PID1: variants seen among roughly 807,000 people sequenced by gnomAD.
PID1 encodes the protein phosphotyrosine interaction domain containing 1.
PID1 carries 10 observed loss-of-function variants against 19.1 expected under a neutral mutation model. That is an observed-to-expected ratio of 0.52 (90% CI 0.32 to 0.89). The LOEUF (loss-of-function observed/expected upper bound fraction) is 0.89, where lower values mean the gene tolerates loss of function less well. Among genes scored for constraint, PID1 ranks in the 40% least tolerant of loss-of-function variants. The probability of loss-of-function intolerance (pLI) is 0.03; values close to 1 mark genes in which losing one functional copy is unlikely to be tolerated. For missense variants in PID1, 248 were observed against 285.3 expected (o/e 0.87, Z 0.94); for synonymous variants, 130 against 116.0 (o/e 1.12, Z -0.78).
intron 1 of PID1, among the ~76,000 whole-genome samples, chr2:229,187,745 A>G (rs1393237170): frequency 5.9e-5 from 9 of 152,170 alleles, no homozygotes; most frequent in African/African-American, 2.2e-4. Context: ...GCTAAAAACA[A>G]AACAAAAATC....
intron 1 of PID1, among the ~76,000 whole-genome samples, chr2:229,158,158 C>T (rs569977467): frequency 6.6e-6 from 1 of 152,284 alleles, no homozygotes; most frequent in South Asian, 2.1e-4. Flanking sequence ...TTACTTAGAA[C>T]AGCATTAAAT....
chr2:229,224,947 T>C (rs1420300232), intron 1 of PID1, among the ~76,000 whole-genome samples: 1 of 152,188 alleles, frequency 6.6e-6, no homozygotes, highest in South Asian at 2.1e-4. Context: ...TAACAATACC[T>C]AACCTTTTTA....
In PID1 at chr2:229,260,022, G is replaced by A. The variant is rs73998602; in HGVS notation, c.30+10992C>T. Among the ~76,000 whole-genome samples, 629 of 152,220 alleles carry A rather than the reference G, an allele frequency of 4.1e-3. 4 individuals are homozygous for A. Among genetic ancestry groups the A allele is most frequent in the African/African-American group, 0.014 (600 of 41,538 alleles). ...GTAGTTTCTAAGCTACTCAGTCTAAGGAATTTGTTACAGCAGCCCCCAAGC... is the reference window on the plus strand; with the variant it reads ...GTAGTTTCTAAGCTACTCAGTCTAAAGAATTTGTTACAGCAGCCCCCAAGC... On this transcript the variant is annotated intron_variant, in intron 1 of 2. Coordinates refer to ENST00000392055, the MANE Select transcript of PID1 (RefSeq NM_001100818.2).
intron 2 of PID1, among the ~76,000 whole-genome samples, chr2:229,029,425 A>C (rs1187538655): frequency 6.6e-6 from 1 of 152,148 alleles, no homozygotes; most frequent in African/African-American, 2.4e-5. Context: ...CTATCAAAAA[A>C]GCAGAAAATA....
At chr2:229,035,821 T>C (rs1219902796) in intron 2 of PID1, among the ~76,000 whole-genome samples, 8 of 152,142 alleles carry the variant, frequency 5.3e-5, no homozygotes, top group Admixed American at 3.9e-4. Flanking sequence ...CAAAAAGCAA[T>C]AGGCACCCTA....
intron 2 of PID1, among the ~76,000 whole-genome samples, chr2:229,079,456 G>A (rs2396611): frequency 0.43 from 66,046 of 151,998 alleles, 15,248 homozygotes; most frequent in East Asian, 0.72. Flanking sequence ...GAAACCTCTA[G>A]AAAGATTTGA....
At chr2:229,142,403 G>A (rs13411207) in intron 2 of PID1, among the ~76,000 whole-genome samples, 66,493 of 151,750 alleles carry the variant, frequency 0.44, 14,988 homozygotes, top group South Asian at 0.57. Context: ...CCTTCTCAAA[G>A]TCTACTAAAT....
chr2:229,041,677 T>C (rs1693772751), intron 2 of PID1, among the ~76,000 whole-genome samples: 1 of 152,160 alleles, frequency 6.6e-6, no homozygotes, highest in South Asian at 2.1e-4. Context: ...GAGCAATAAA[T>C]TCTCAATGGA....
In PID1 at chr2:229,139,054, A is replaced by C. The variant is rs1181073905; in HGVS notation, c.177+16764T>G. Among the ~76,000 whole-genome samples, 43 of 69,684 alleles carry C rather than the reference A, an allele frequency of 6.2e-4. 5 individuals are homozygous for C. Among genetic ancestry groups the C allele is most frequent in the Non-Finnish European group, 9.1e-4 (29 of 31,908 alleles). The allele number at this position is 69,684 out of a possible 152,430, so 45.7% of individuals were successfully genotyped here. A position where few individuals can be genotyped will look rare whatever the true frequency, so the allele number is the denominator to read the frequency against. ...AAGAAAGAAAGAGAAAGAAAGAAAG[A>C]AAGAGAAAGAAAGAAAGAAAGAAAG... On this transcript the variant is annotated intron_variant, in intron 2 of 2. Transcript: ENST00000392055.
chr2:229,204,209 C>G (rs1691557380), intron 1 of PID1, among the ~76,000 whole-genome samples: 1 of 151,958 alleles, frequency 6.6e-6, no homozygotes, highest in African/African-American at 2.4e-5. Flanking sequence ...AGCTGCTGAT[C>G]AGGGGAGGAA....
At position 229,181,346 on chromosome 2, in the gene PID1, T is replaced by C. The variant is rs546585758; in HGVS notation, c.31-25382A>G. Among the ~76,000 whole-genome samples the C allele has an allele frequency of 9.9e-5, 15 of 151,050 alleles. No individual in the cohort carries two copies. The East Asian group carries it at 2.5e-3, about 26-fold the overall frequency. On this transcript the variant is annotated intron_variant, in intron 1 of 2. Coordinates refer to ENST00000392055, the MANE Select transcript of PID1 (RefSeq NM_001100818.2). ...GCAAGAGTCTACTTTGGTTGAAATATACAATCCAAAAAGGTGAACAGCAGA... is the reference window on the plus strand; with the variant it reads ...GCAAGAGTCTACTTTGGTTGAAATACACAATCCAAAAAGGTGAACAGCAGA...
rs201448064 is a variant in PID1 at position 229,270,997 on chromosome 2, T to C, written c.30+17A>G. 1.3e-6 allele frequency: 2 copies of C among 1,517,186 alleles called. No homozygotes were observed. Among genetic ancestry groups the C allele is most frequent in the African/African-American group, 1.4e-5 (1 of 69,602 alleles). 94.0% of individuals were successfully genotyped at this position (1,517,186 alleles called of 1,614,324 possible). ...CTCCTCCTCCAGGCTGGCCCCCGGCTCCCGGGTGCCCCTTACCTGCAGGCG... is the reference window on the plus strand; with the variant it reads ...CTCCTCCTCCAGGCTGGCCCCCGGCCCCCGGGTGCCCCTTACCTGCAGGCG... On this transcript the variant is annotated intron_variant, in intron 1 of 2. Transcript: ENST00000392055.
intron 1 of PID1, among the ~76,000 whole-genome samples, chr2:229,253,591 CA>C (rs59530496): frequency 0.85 from 109,350 of 128,558 alleles, 46,342 homozygotes; most frequent in Non-Finnish European, 0.88. Context: ...AAATTCCAAG[CA>C]AAAAAAAAAA....
chr2:229,122,807 G>A (rs949493092), intron 2 of PID1, among the ~76,000 whole-genome samples: 4 of 152,138 alleles, frequency 2.6e-5, no homozygotes, highest in Non-Finnish European at 5.9e-5. Context: ...TGTAGGTGGT[G>A]TGGAATGGAG....
intron 2 of PID1, among the ~76,000 whole-genome samples, chr2:229,065,572 C>A (rs1363557460): frequency 6.6e-6 from 1 of 151,984 alleles, no homozygotes; most frequent in East Asian, 1.9e-4. Context: ...CACACACATG[C>A]ACATCAATTT....
At chr2:229,164,054 CCAG>C (rs916743398) in intron 1 of PID1, among the ~76,000 whole-genome samples, 7 of 152,128 alleles carry the variant, frequency 4.6e-5, no homozygotes, top group African/African-American at 1.7e-4. Context: ...ACAATTAGCT[CCAG>C]CTGACTGTTG....
chr2:229,052,529 T>A (rs531273075), intron 2 of PID1, among the ~76,000 whole-genome samples: 1 of 147,006 alleles, frequency 6.8e-6, no homozygotes, highest in Non-Finnish European at 1.5e-5. Flanking sequence ...TTATTTTTGA[T>A]GGGACTTGGC....
chr2:229,054,095 T>C (rs1315531423), intron 2 of PID1, among the ~76,000 whole-genome samples: 2 of 135,460 alleles, frequency 1.5e-5, no homozygotes, highest in Non-Finnish European at 3.0e-5. Context: ...GGGTGGGATA[T>C]TAAAAAAAAA....
intron 1 of PID1, among the ~76,000 whole-genome samples, chr2:229,182,805 T>C (rs1053517163): frequency 6.6e-6 from 1 of 152,172 alleles, no homozygotes; most frequent in Admixed American, 6.5e-5. Context: ...TCTGGGGAAA[T>C]CCACATGACC....
Sources: allele counts gnomAD v4.1 joint callset (sites outside exome capture counted in the v4.1 genomes callset), GRCh38; gene constraint gnomAD v4.1.1; transcripts MANE v1.5; gene names NCBI Gene and HGNC (gene_info 2026-07-23, HGNC 2026-07-21).